Variants in TTC6 observed in about 807,000 individuals in gnomAD.
The protein encoded by TTC6 is tetratricopeptide repeat domain 6, also known as tetratricopeptide repeat protein 6.
Under a neutral mutation model 210.4 loss-of-function variants are expected in TTC6, and 172 were observed. The observed-to-expected ratio is 0.82, with a 90% CI of 0.72 to 0.93. The LOEUF is 0.93. TTC6 is among the 40% of genes least tolerant of loss of function. The probability of loss-of-function intolerance (pLI) is 0.00; values close to 1 mark genes in which losing one functional copy is unlikely to be tolerated. For synonymous variants in TTC6, 804 were observed against 819.6 expected (o/e 0.98, Z 0.32); for missense variants, 2,414 against 2,318.1 (o/e 1.04, Z -0.85).
Position 37,694,191 on chromosome 14 carries a change from A to G in TTC6, c.1258-2526A>G, listed in dbSNP as rs116658905. 3.2e-3 allele frequency among the ~76,000 whole-genome samples: 491 copies of G among 152,296 alleles called. 6 individuals are homozygous for G. Among genetic ancestry groups the G allele is most frequent in the African/African-American group, 0.011 (478 of 41,574 alleles). Reference sequence around the variant, plus strand: ...AGACAACCCACAGAATGGGAAAAATATTAGCAAACTACCCATCTTGCAAGG... The same window carrying G: ...AGACAACCCACAGAATGGGAAAAATGTTAGCAAACTACCCATCTTGCAAGG... On this transcript the variant is annotated intron_variant, in intron 3 of 30. Coordinates refer to ENST00000553443, the Ensembl canonical transcript of TTC6.
intron 7 of TTC6, among the ~76,000 whole-genome samples, chr14:37,725,669 A>G (rs999969110): frequency 1.3e-5 from 2 of 151,902 alleles, no homozygotes; most frequent in African/African-American, 2.4e-5. Context: ...TATATTATGT[A>G]TGTATATTTA....
intron 1 of TTC6, among the ~76,000 whole-genome samples, chr14:37,668,550 T>C (rs1282644704): frequency 1.5e-5 from 2 of 135,848 alleles, no homozygotes; most frequent in South Asian, 2.3e-4. Context: ...ACCTGCAAGC[T>C]CTTGAGTCCT....
chr14:37,649,884 T>C (rs1023890814), intron 1 of TTC6, among the ~76,000 whole-genome samples: 2 of 152,230 alleles, frequency 1.3e-5, no homozygotes, highest in Non-Finnish European at 2.9e-5. Context: ...ATATTGTCAG[T>C]TATTTGAAAC....
chr14:37,812,182 T>A (rs888507527), intron 24 of TTC6, 132 bp from the exon 27 acceptor site: 19 of 882,312 alleles, frequency 2.2e-5, no homozygotes, highest in Non-Finnish European at 3.2e-5. Context: ...ATATGATTAT[T>A]TTGGCCATAA....
At chr14:37,786,991 T>C (rs1004914647) in intron 14 of TTC6, among the ~76,000 whole-genome samples, 8 of 152,184 alleles carry the variant, frequency 5.3e-5, no homozygotes, top group African/African-American at 1.9e-4. Flanking sequence ...ATAGCTTTCA[T>C]CCGTGAAAGA....
At chr14:37,801,514 T>C (rs547347345) in intron 20 of TTC6, among the ~76,000 whole-genome samples, 13 of 152,134 alleles carry the variant, frequency 8.5e-5, no homozygotes, top group Non-Finnish European at 1.5e-4. Flanking sequence ...CAATAGAATA[T>C]GGCAAAATTG....
intron 6 of TTC6, among the ~76,000 whole-genome samples, chr14:37,716,033 G>A (rs909164332): frequency 1.3e-5 from 2 of 152,022 alleles, no homozygotes; most frequent in Admixed American, 6.6e-5. Context: ...AGAATATAGA[G>A]GAAGTATTTA....
intron 26 of TTC6, among the ~76,000 whole-genome samples, chr14:37,818,050 C>T (rs1004193665): frequency 2.0e-5 from 3 of 151,916 alleles, no homozygotes; most frequent in African/African-American, 7.3e-5. Context: ...AAGTCTCTTT[C>T]CTGGAAGAAA....
intron 22 of TTC6, among the ~76,000 whole-genome samples, chr14:37,806,837 A>G (rs2096119484): frequency 1.3e-5 from 2 of 152,162 alleles, no homozygotes; most frequent in East Asian, 3.9e-4. Flanking sequence ...CTTTTAATAG[A>G]CTATACAGGC....
Position 37,656,974 on chromosome 14 carries a change from C to T in TTC6, c.940-23177C>T, listed in dbSNP as rs534723254. On this transcript the variant is annotated intron_variant, in intron 1 of 30. Transcript: ENST00000553443. ...CCTGTAATCCTGGCATTTTGGGAGG[C>T]CGAGGCGGGTGGATCACCTGAGGTC... is the stretch of plus-strand genomic sequence containing the variant. Among the ~76,000 whole-genome samples the T allele has an allele frequency of 3.3e-5, 5 of 152,140 alleles. No individual in the cohort carries two copies. In the South Asian group the frequency reaches 8.3e-4, roughly 25 times the overall value.
intron 1 of TTC6, among the ~76,000 whole-genome samples, chr14:37,626,606 G>C (rs1332057511): frequency 6.6e-6 from 1 of 152,174 alleles, no homozygotes; most frequent in Non-Finnish European, 1.5e-5. Context: ...AATAGCAGAA[G>C]ACAGCTCATC....
chr14:37,623,342 A>C (rs1244344797), intron 1 of TTC6, among the ~76,000 whole-genome samples: 1 of 152,250 alleles, frequency 6.6e-6, no homozygotes, highest in East Asian at 1.9e-4. Context: ...AGGAACAGGC[A>C]TTTTATGTGA....
intron 1 of TTC6, among the ~76,000 whole-genome samples, chr14:37,632,310 C>T (rs1426327618): frequency 6.6e-6 from 1 of 152,104 alleles, no homozygotes; most frequent in Admixed American, 6.5e-5. Flanking sequence ...GTGTGGACAT[C>T]CTTTTGGTTG....
intron 18 of TTC6, among the ~76,000 whole-genome samples, chr14:37,795,857 C>G (rs1328382979): frequency 6.6e-6 from 1 of 152,098 alleles, no homozygotes; most frequent in Non-Finnish European, 1.5e-5. Context: ...TGAGTTATCA[C>G]TATCAAAAAT....
At chr14:37,795,404 T>G (rs1011106926) in intron 18 of TTC6, 52 bp downstream of exon 20, 1 of 1,236,984 alleles carries the variant, frequency 8.1e-7, no homozygotes, top group Non-Finnish European at 1.1e-6. Flanking sequence ...ATCAGAGAAA[T>G]TGAATGGGGA....
chr14:37,841,481 C>G (rs986984385), exon 30 of TTC6: 1 of 1,588,850 alleles, frequency 6.3e-7, no homozygotes, highest in Non-Finnish European at 8.5e-7. Context: ...AAAATTTGAT[C>G]CAGAAAATGA....
At chr14:37,838,876 G>T (rs1169695931) in intron 29 of TTC6, among the ~76,000 whole-genome samples, 1 of 151,956 alleles carries the variant, frequency 6.6e-6, no homozygotes, top group Non-Finnish European at 1.5e-5. Flanking sequence ...ATTGTTCAAC[G>T]CCCACTTATG....
intron 23 of TTC6, among the ~76,000 whole-genome samples, chr14:37,808,353 TAGTC>T (rs2096122980): frequency 1.3e-5 from 2 of 152,190 alleles, no homozygotes; most frequent in Non-Finnish European, 2.9e-5. Flanking sequence ...TGTGATATGG[TAGTC>T]AGAGTGACAG....
intron 14 of TTC6, among the ~76,000 whole-genome samples, chr14:37,769,417 G>A (rs949747015): frequency 3.9e-5 from 6 of 152,044 alleles, no homozygotes; most frequent in African/African-American, 1.4e-4. Context: ...ATTCGGCTGT[G>A]AATCCATCTG....
Sources: gnomAD v4.1 joint callset for allele counts (sites outside exome capture counted in the v4.1 genomes callset) on GRCh38, gnomAD v4.1.1 for gene constraint, MANE v1.5 for transcripts, NCBI Gene and HGNC (gene_info 2026-07-23, HGNC 2026-07-21) for gene names.